BMP5: variants seen among roughly 807,000 people sequenced by gnomAD.
The protein encoded by BMP5 is bone morphogenetic protein 5.
Under a neutral mutation model 46.6 loss-of-function variants are expected in BMP5, and 23 were observed. The ratio of observed to expected loss-of-function variants is 0.49; its 90% CI spans 0.35 to 0.70. BMP5 has a LOEUF of 0.70. Among genes scored for constraint, BMP5 ranks in the 30% least tolerant of loss-of-function variants. The pLI, the probability that BMP5 is intolerant of heterozygous loss-of-function variation, is 0.00. For synonymous variants in BMP5, 204 were observed against 191.9 expected (o/e 1.06, Z -0.52); for missense variants, 545 against 565.6 (o/e 0.96, Z 0.37).
At chr6:55,852,091 T>C (rs944263648) in intron 1 of BMP5, among the ~76,000 whole-genome samples, 2 of 152,152 alleles carry the variant, frequency 1.3e-5, no homozygotes, top group Admixed American at 6.5e-5. Flanking sequence ...AGTATATCTA[T>C]CTACTCTCAT....
At chr6:55,826,471 GT>G (rs1193778896) in intron 1 of BMP5, among the ~76,000 whole-genome samples, 1 of 151,492 alleles carries the variant, frequency 6.6e-6, no homozygotes, top group Non-Finnish European at 1.5e-5. Context: ...ACATTTAATT[GT>G]TGATTGAATA....
chr6:55,852,039 T>A (rs1187240561), intron 1 of BMP5, among the ~76,000 whole-genome samples: 1 of 152,178 alleles, frequency 6.6e-6, no homozygotes, highest in South Asian at 2.1e-4. Flanking sequence ...GTATTGTTTT[T>A]ATATGCCAAG....
chr6:55,801,148 G>A (rs1038280517), intron 2 of BMP5, among the ~76,000 whole-genome samples: 1 of 152,200 alleles, frequency 6.6e-6, no homozygotes, highest in Admixed American at 6.5e-5. Context: ...GAACTACTGT[G>A]TATCGTTTGG....
In BMP5 at chr6:55,755,491, C is replaced by T; in HGVS notation, c.*42G>A. 6.4e-7 allele frequency: 1 copy of T among 1,571,522 alleles called. No homozygotes were observed. The highest frequency in any genetic ancestry group is 1.4e-5 in the African/African-American group (1 of 73,548). ...GTATGCTTTTTATTGCAGCCATAAACCTTAATACAGATCTTTTTGTTATTA... is the reference window on the plus strand; with the variant it reads ...GTATGCTTTTTATTGCAGCCATAAATCTTAATACAGATCTTTTTGTTATTA... On this transcript the variant is annotated 3_prime_UTR_variant, in exon 7 of 7. Transcript: ENST00000370830.
chr6:55,826,453 AAATT>A (rs1776535197), intron 1 of BMP5, among the ~76,000 whole-genome samples: 1 of 151,746 alleles, frequency 6.6e-6, no homozygotes, highest in Admixed American at 6.6e-5. Flanking sequence ...ATAATTTTGA[AAATT>A]AAGACATTTA....
chr6:55,854,405 T>G (rs1482739241), intron 1 of BMP5, among the ~76,000 whole-genome samples: 1 of 152,068 alleles, frequency 6.6e-6, no homozygotes, highest in Non-Finnish European at 1.5e-5. Context: ...ATAAAATTAA[T>G]GCAATTTAAG....
At chr6:55,804,753 A>C (rs1775946271) in intron 2 of BMP5, among the ~76,000 whole-genome samples, 1 of 152,154 alleles carries the variant, frequency 6.6e-6, no homozygotes, top group African/African-American at 2.4e-5. Flanking sequence ...GTAAAGTTTT[A>C]TATCTGTGAA....
intron 1 of BMP5, among the ~76,000 whole-genome samples, chr6:55,845,508 T>C (rs1777077810): frequency 6.6e-6 from 1 of 151,982 alleles, no homozygotes; most frequent in Non-Finnish European, 1.5e-5. Context: ...TTAAGGTGAG[T>C]GTCTCCTACT....
At chr6:55,780,456 T>TTAAAA (rs1775283934) in intron 3 of BMP5, among the ~76,000 whole-genome samples, 1 of 62,028 alleles carries the variant, frequency 1.6e-5, no homozygotes, top group Non-Finnish European at 2.7e-5. Context: ...CCATCACTAC[T>TTAAAA]AAAAAAAAAA....
rs1160679496 is a variant in BMP5 at position 55,846,866 on chromosome 6, A to G, written c.491-27019T>C. On this transcript the variant is annotated intron_variant, in intron 1 of 6. Transcript: ENST00000370830. ...TTTTTTATTCTTTTTATTTTTATGTATATGCCTCAGGTGATATTTTATAAT... is the reference window on the plus strand; with the variant it reads ...TTTTTTATTCTTTTTATTTTTATGTGTATGCCTCAGGTGATATTTTATAAT... Among the ~76,000 whole-genome samples the G allele has an allele frequency of 3.3e-5, 5 of 151,328 alleles. 1 individual carries two copies. The highest frequency in any genetic ancestry group is 1.2e-4 in the African/African-American group (5 of 41,336).
chr6:55,799,396 G>C (rs969446769), intron 2 of BMP5, among the ~76,000 whole-genome samples: 1 of 152,150 alleles, frequency 6.6e-6, no homozygotes, highest in Non-Finnish European at 1.5e-5. Context: ...AGAAGAAAAA[G>C]AGAGGAGCAG....
intron 3 of BMP5, among the ~76,000 whole-genome samples, chr6:55,776,349 AC>A (rs1775171221): frequency 6.6e-6 from 1 of 151,862 alleles, no homozygotes; most frequent in Non-Finnish European, 1.5e-5. Flanking sequence ...CATACCTTGA[AC>A]TGACCCACTT....
chr6:55,801,174 CAAA>C (rs965591898), intron 2 of BMP5, among the ~76,000 whole-genome samples: 6 of 152,146 alleles, frequency 3.9e-5, no homozygotes, highest in African/African-American at 1.4e-4. Context: ...GGGTTGGCTG[CAAA>C]GGAAATTTGG....
At chr6:55,867,649 C>T (rs569300000) in intron 1 of BMP5, among the ~76,000 whole-genome samples, 1 of 152,188 alleles carries the variant, frequency 6.6e-6, no homozygotes, top group African/African-American at 2.4e-5. Flanking sequence ...AAGGGCCCTG[C>T]TCTTGGTGTA....
chr6:55,784,866 T>A (rs966734862), intron 3 of BMP5, among the ~76,000 whole-genome samples: 7 of 151,894 alleles, frequency 4.6e-5, no homozygotes, highest in African/African-American at 1.7e-4. Context: ...TATAAAAGAC[T>A]AATTTAATTT....
intron 2 of BMP5, among the ~76,000 whole-genome samples, chr6:55,805,732 T>C (rs544707847): frequency 3.9e-5 from 6 of 152,162 alleles, no homozygotes; most frequent in African/African-American, 1.2e-4. Flanking sequence ...GCATCTATTG[T>C]TTATTGACTT....
chr6:55,825,551 G>A lies in BMP5; in HGVS notation c.491-5704C>T, dbSNP rs1776509542. On this transcript the variant is annotated intron_variant, in intron 1 of 6. Transcript: ENST00000370830. ...TTAAACTCTGTTTAAAACACACACT[G>A]AAGACTTTTATTGTTGAGATACAAG... Among the ~76,000 whole-genome samples the A allele has an allele frequency of 2.0e-5, 3 of 151,630 alleles. No homozygotes were observed. The Admixed American group carries it at 2.0e-4, about 10-fold the overall frequency.
At chr6:55,811,613 C>T (rs1185278072) in intron 2 of BMP5, among the ~76,000 whole-genome samples, 1 of 151,978 alleles carries the variant, frequency 6.6e-6, no homozygotes, top group Admixed American at 6.6e-5. Flanking sequence ...TGCTTAGGAA[C>T]ATTTCTTCTG....
chr6:55,803,918 C>T (rs1775919407), intron 2 of BMP5, among the ~76,000 whole-genome samples: 1 of 152,118 alleles, frequency 6.6e-6, no homozygotes, highest in Non-Finnish European at 1.5e-5. Context: ...GTTTTTCTTC[C>T]CAGCTGCCTA....
Sources: gnomAD v4.1 joint callset for allele counts (sites outside exome capture counted in the v4.1 genomes callset) on GRCh38, gnomAD v4.1.1 for gene constraint, MANE v1.5 for transcripts, NCBI Gene and HGNC (gene_info 2026-07-23, HGNC 2026-07-21) for gene names.